TULP3: variants seen among roughly 807,000 people sequenced by gnomAD.
The protein encoded by TULP3 is tubby-related protein 3.
Under a neutral mutation model 50.7 loss-of-function variants are expected in TULP3, and 38 were observed. That is an observed-to-expected ratio of 0.75 (90% confidence interval 0.58 to 0.98). TULP3 has a LOEUF of 0.98. Ranked by LOEUF, TULP3 falls within the 50% of genes least tolerant of loss-of-function variation. The pLI, the probability that TULP3 is intolerant of heterozygous loss-of-function variation, is 0.00. For synonymous variants in TULP3, 183 were observed against 196.6 expected, an observed-to-expected ratio of 0.93 and a Z score of 0.58; for missense variants, 550 against 568.0, an observed-to-expected ratio of 0.97 and a Z score of 0.32.
At chr12:2,916,767 G>C (rs1322274492) in intron 2 of TULP3, among the ~76,000 whole-genome samples, 1 of 152,212 alleles carries the variant, frequency 6.6e-6, no homozygotes, top group East Asian at 1.9e-4. Flanking sequence ...TTTTCACCAA[G>C]ATGGCAGCTT....
intron 1 of TULP3, among the ~76,000 whole-genome samples, chr12:2,900,475 GA>G (rs1174823982): frequency 3.9e-5 from 6 of 152,146 alleles, no homozygotes; most frequent in Non-Finnish European, 7.4e-5. Flanking sequence ...CTGGGTCTAT[GA>G]AATTACAAAA....
intron 2 of TULP3, among the ~76,000 whole-genome samples, chr12:2,913,666 A>G (rs2098186965): frequency 6.6e-6 from 1 of 152,150 alleles, no homozygotes; most frequent in African/African-American, 2.4e-5. Flanking sequence ...GCTGGAGTGC[A>G]GTGACACAAT....
chr12:2,908,222 G>A (rs963618588), intron 1 of TULP3, among the ~76,000 whole-genome samples: 1 of 152,138 alleles, frequency 6.6e-6, no homozygotes, highest in African/African-American at 2.4e-5. Flanking sequence ...GTTTCTCTTT[G>A]TGGTAATGGA....
chr12:2,893,328 T>G (rs201963887), intron 1 of TULP3, among the ~76,000 whole-genome samples: 24 of 40,494 alleles, frequency 5.9e-4, no homozygotes, highest in South Asian at 1.4e-3. Context: ...GTTTAATGTG[T>G]TTTTTTTTTT....
At chr12:2,934,935 T>C (rs922954270) in intron 8 of TULP3, among the ~76,000 whole-genome samples, 8 of 152,138 alleles carry the variant, frequency 5.3e-5, no homozygotes, top group Non-Finnish European at 1.0e-4. Flanking sequence ...TTTTTTTTCC[T>C]CTTTTTGGCA....
intron 1 of TULP3, among the ~76,000 whole-genome samples, chr12:2,899,814 A>G (rs977064152): frequency 8.0e-5 from 12 of 149,688 alleles, no homozygotes; most frequent in African/African-American, 2.0e-4. Flanking sequence ...AATGGCATGA[A>G]CCCAGGAGGC....
rs533713957 is a variant in TULP3, at chr12:2,891,450, A to G, written c.41+462A>G. On this transcript the variant is annotated intron_variant, in intron 1 of 10. Transcript: ENST00000448120. ...GACGGGTAAAGCTGAATTCTGGAGC[A>G]GAGTCCGAGGAGCGGAAACGCGAAA... 1.8e-4 allele frequency among the ~76,000 whole-genome samples: 28 copies of G among 152,322 alleles called. No homozygotes were observed. In the South Asian group the frequency reaches 5.8e-3, roughly 32 times the overall value.
chr12:2,922,660 G>A (rs892487309), intron 4 of TULP3, among the ~76,000 whole-genome samples: 2 of 152,052 alleles, frequency 1.3e-5, no homozygotes, highest in Admixed American at 6.6e-5. Context: ...ATAGATGACT[G>A]TTTGTTTCTT....
chr12:2,936,598 C>G (rs983396545), intron 8 of TULP3, among the ~76,000 whole-genome samples: 1 of 145,336 alleles, frequency 6.9e-6, no homozygotes, highest in Non-Finnish European at 1.5e-5. Context: ...AAAAAAAATA[C>G]AAAATTAGCC....
intron 8 of TULP3, 41 bp downstream of exon 8, chr12:2,934,602 T>G: frequency 2.9e-6 from 4 of 1,390,186 alleles, no homozygotes; most frequent in Non-Finnish European, 2.9e-6. Context: ...GCCCTCCTGG[T>G]GTCCTGCTGG....
intron 1 of TULP3, among the ~76,000 whole-genome samples, chr12:2,906,518 G>A (rs564940191): frequency 2.0e-5 from 3 of 151,394 alleles, no homozygotes; most frequent in African/African-American, 2.4e-5. Context: ...TAGTAGAGAC[G>A]GAGTTTCACC....
intron 6 of TULP3, 58 bp from the exon 7 acceptor site, chr12:2,933,360 C>T (rs142717521): frequency 4.8e-6 from 5 of 1,045,366 alleles, no homozygotes; most frequent in Middle Eastern, 2.0e-4. Flanking sequence ...CAACCATGAC[C>T]AGAGGTGGGG....
At position 2,938,190 on chromosome 12, in the gene TULP3, T is replaced by C. The variant is rs1485596722; in HGVS notation, c.1100T>C (p.Val367Ala). The change falls in exon 10 of 11, where the codon GTC becomes GCC. Residue 367 changes from valine to alanine, a missense_variant. Physicochemically the swap from Val to Ala is moderately conservative, Grantham distance 64 (BLOSUM62 0). Coordinates refer to ENST00000448120, the MANE Select transcript of TULP3 (RefSeq NM_003324.5). Reference sequence around the variant, plus strand: ...GTTGAGCTGCACAACAAGGCCCCCGTCTGGAACAGTGACACTCAGTCCTAT... The same window carrying C: ...GTTGAGCTGCACAACAAGGCCCCCGCCTGGAACAGTGACACTCAGTCCTAT... ...NLVELHNKAPVWNSDTQSYVL... is the reference protein window; with the variant it reads ...NLVELHNKAPAWNSDTQSYVL... 1.2e-6 allele frequency: 2 copies of C among 1,614,174 alleles called. No individual in the cohort carries two copies. The highest frequency in any genetic ancestry group is 2.2e-5 in the South Asian group (2 of 91,084).
intron 1 of TULP3, among the ~76,000 whole-genome samples, chr12:2,891,265 C>T (rs910564471): frequency 1.3e-5 from 2 of 152,184 alleles, no homozygotes; most frequent in African/African-American, 2.4e-5. Context: ...TCGTGACGGG[C>T]TCCCTCGGCC....
At chr12:2,923,227 A>G (rs969659419) in intron 4 of TULP3, among the ~76,000 whole-genome samples, 1 of 152,206 alleles carries the variant, frequency 6.6e-6, no homozygotes, top group Non-Finnish European at 1.5e-5. Context: ...AAGCCCAATA[A>G]TGAATATGTA....
At chr12:2,916,870 TAC>T (rs1565502305) in intron 2 of TULP3, among the ~76,000 whole-genome samples, 2 of 152,242 alleles carry the variant, frequency 1.3e-5, no homozygotes, top group African/African-American at 4.8e-5. Flanking sequence ...TGGCCCTGAT[TAC>T]AGTTTGAGTC....
chr12:2,894,691 C>G (rs1050646135), intron 1 of TULP3, among the ~76,000 whole-genome samples: 1 of 152,026 alleles, frequency 6.6e-6, no homozygotes, highest in Non-Finnish European at 1.5e-5. Flanking sequence ...GTCAGGAGTT[C>G]AAGACCAGCC....
intron 1 of TULP3, among the ~76,000 whole-genome samples, chr12:2,893,017 G>C (rs539823831): frequency 6.6e-6 from 1 of 151,874 alleles, no homozygotes; most frequent in Non-Finnish European, 1.5e-5. Context: ...CAGGTGCGTG[G>C]CACCACCTGG....
chr12:2,919,181 T>C (rs1020327764), intron 2 of TULP3, among the ~76,000 whole-genome samples: 1 of 152,194 alleles, frequency 6.6e-6, no homozygotes, highest in Non-Finnish European at 1.5e-5. Context: ...CGTGAGCCAC[T>C]GCGCCCGGCT....
Sources: allele counts gnomAD v4.1 joint callset (sites outside exome capture counted in the v4.1 genomes callset), GRCh38; gene constraint gnomAD v4.1.1; transcripts MANE v1.5; gene names NCBI Gene and HGNC (gene_info 2026-07-23, HGNC 2026-07-21).